The following SCN11A variants were observed in gnomAD, a reference collection of about 807,000 sequenced individuals.
SCN11A encodes sodium voltage-gated channel alpha subunit 11.
In SCN11A, 122 loss-of-function variants were observed where a neutral mutation model predicts 162.2. The ratio of observed to expected loss-of-function variants is 0.75; its 90% CI spans 0.65 to 0.87. SCN11A has a LOEUF of 0.87. SCN11A is among the 40% of genes least tolerant of loss of function. The pLI is 0.00. For synonymous variants in SCN11A, 758 were observed against 751.5 expected, an observed-to-expected ratio of 1.01 and a Z score of -0.14; for missense variants, 2,015 against 2,181.6, an observed-to-expected ratio of 0.92 and a Z score of 1.52.
In SCN11A at chr3:38,850,647, T is replaced by G. The variant is rs747748812; in HGVS notation, c.4161A>C (p.Ser1387=). Residue 1387 remains serine (S), a synonymous_variant, in exon 29 of 30, where the codon TCA becomes TCC. Coordinates refer to ENST00000302328, the MANE Select transcript of SCN11A (RefSeq NM_001349253.2). The part of the protein sequence containing the change: ...ILNMISMMAE[S]YNQPKAMKSI... ...ATTTCATGGCTTTGGGTTGGTTGTA[T>G]GATTCAGCCATCATGCTAATCATGT... 1 of 1,614,058 alleles carries G rather than the reference T, an allele frequency of 6.2e-7. No homozygotes were observed. Among genetic ancestry groups the G allele is most frequent in the Admixed American group, 1.7e-5 (1 of 60,022 alleles).
intron 2 of SCN11A, among the ~76,000 whole-genome samples, chr3:39,013,180 A>G (rs1214621648): frequency 6.6e-6 from 1 of 152,256 alleles, no homozygotes; most frequent in African/African-American, 2.4e-5. Flanking sequence ...AATGAAAAAA[A>G]GTCATCAATA....
intron 28 of SCN11A, among the ~76,000 whole-genome samples, chr3:38,861,019 A>G (rs1046670445): frequency 2.0e-5 from 3 of 152,202 alleles, no homozygotes; most frequent in African/African-American, 7.2e-5. Context: ...AAGCTCCTAG[A>G]TCTGATAAAT....
intron 1 of SCN11A, among the ~76,000 whole-genome samples, chr3:39,050,766 T>C (rs1422899856): frequency 3.3e-5 from 5 of 152,226 alleles, no homozygotes; most frequent in Non-Finnish European, 5.9e-5. Flanking sequence ...ATGAAATCAA[T>C]ACAAAAAATT....
At chr3:38,989,120 TC>T (rs1388039635) in intron 2 of SCN11A, among the ~76,000 whole-genome samples, 1 of 152,058 alleles carries the variant, frequency 6.6e-6, no homozygotes, top group African/African-American at 2.4e-5. Flanking sequence ...AAAGCCAGCC[TC>T]CATATAAGAA....
intron 28 of SCN11A, among the ~76,000 whole-genome samples, chr3:38,853,939 T>C (rs1452308833): frequency 2.0e-5 from 3 of 152,200 alleles, no homozygotes; most frequent in African/African-American, 7.2e-5. Context: ...CTGCCCTGGA[T>C]GCTACTTCTA....
At chr3:38,870,221 C>A (rs2065103175) in intron 26 of SCN11A, among the ~76,000 whole-genome samples, 1 of 152,188 alleles carries the variant, frequency 6.6e-6, no homozygotes, top group Non-Finnish European at 1.5e-5. Context: ...CTGGTCATCA[C>A]TAGAAACTCT....
intron 2 of SCN11A, among the ~76,000 whole-genome samples, chr3:38,983,180 C>A (rs1282173072): frequency 6.6e-6 from 1 of 152,150 alleles, no homozygotes; most frequent in Non-Finnish European, 1.5e-5. Flanking sequence ...GTTCCTGCTG[C>A]GTGTGGGTTT....
chr3:38,986,888 G>A (rs772560187), intron 2 of SCN11A, among the ~76,000 whole-genome samples: 7 of 152,166 alleles, frequency 4.6e-5, no homozygotes, highest in African/African-American at 7.2e-5. Flanking sequence ...AGAGCCACAT[G>A]TCATTTTCCA....
At chr3:38,879,040 T>G (rs2065266194) in intron 23 of SCN11A, among the ~76,000 whole-genome samples, 1 of 152,122 alleles carries the variant, frequency 6.6e-6, no homozygotes, top group Non-Finnish European at 1.5e-5. Flanking sequence ...AATATGTCCA[T>G]CTACTATGTA....
At chr3:38,973,310 G>C (rs1276683318) in intron 2 of SCN11A, among the ~76,000 whole-genome samples, 2 of 151,980 alleles carry the variant, frequency 1.3e-5, no homozygotes, top group African/African-American at 2.4e-5. Context: ...TATCTCAGGA[G>C]AAAAAGCTTT....
At chr3:38,914,482 C>A (rs1226840874) in intron 11 of SCN11A, among the ~76,000 whole-genome samples, 1 of 152,092 alleles carries the variant, frequency 6.6e-6, no homozygotes, top group Non-Finnish European at 1.5e-5. Context: ...CCCTTTATTT[C>A]TTTTTCTTCC....
chr3:39,021,326 G>A (rs1476659670), intron 2 of SCN11A, among the ~76,000 whole-genome samples: 1 of 152,156 alleles, frequency 6.6e-6, no homozygotes, highest in Non-Finnish European at 1.5e-5. Context: ...TTGCTTTATT[G>A]TTTACATTGA....
chr3:38,971,632 G>T (rs1025257988), intron 2 of SCN11A, among the ~76,000 whole-genome samples: 1 of 152,074 alleles, frequency 6.6e-6, no homozygotes, highest in East Asian at 1.9e-4. Flanking sequence ...TTCTTCCAGG[G>T]AGCTTTTCTC....
chr3:39,050,938 T>C (rs558947127), intron 1 of SCN11A, among the ~76,000 whole-genome samples: 5 of 152,292 alleles, frequency 3.3e-5, no homozygotes, highest in Admixed American at 6.5e-5. Flanking sequence ...TGTAGTTCTA[T>C]AGGATTCACT....
At chr3:38,903,183 C>A (rs548732303) in intron 16 of SCN11A, among the ~76,000 whole-genome samples, 1 of 152,088 alleles carries the variant, frequency 6.6e-6, no homozygotes, top group Admixed American at 6.5e-5. Flanking sequence ...GTAGATCATC[C>A]CGTGGGCAAT....
Position 38,960,931 on chromosome 3 carries a change from A to G in SCN11A, c.-279-508T>C, listed in dbSNP as rs763882275. ...CTTTTGGTCATCCAGACAACTCTGC[A>G]GCAGACTGTCACCAACCCAAAACTC... On this transcript the variant is annotated intron_variant, in intron 2 of 29. Coordinates refer to ENST00000302328, the MANE Select transcript of SCN11A (RefSeq NM_001349253.2). 7.6e-4 allele frequency among the ~76,000 whole-genome samples: 115 copies of G among 152,230 alleles called. 1 individual carries two copies. The highest frequency in any genetic ancestry group is 1.9e-4 in the Non-Finnish European group (13 of 68,044).
chr3:38,927,657 A>G (rs2066165125), intron 7 of SCN11A, among the ~76,000 whole-genome samples: 1 of 152,236 alleles, frequency 6.6e-6, no homozygotes, highest in African/African-American at 2.4e-5. Flanking sequence ...CCTCAGAAAA[A>G]TTACCATTAT....
intron 2 of SCN11A, among the ~76,000 whole-genome samples, chr3:38,982,818 A>G (rs1341081417): frequency 6.6e-6 from 1 of 152,176 alleles, no homozygotes; most frequent in Non-Finnish European, 1.5e-5. Context: ...GTCATGTAAC[A>G]TCTTCCAATA....
At chr3:39,040,373 GA>G (rs1174235524) in intron 1 of SCN11A, among the ~76,000 whole-genome samples, 2 of 152,136 alleles carry the variant, frequency 1.3e-5, no homozygotes, top group African/African-American at 4.8e-5. Context: ...ACAACTACAG[GA>G]AAAAAGTCTT....
Sources: gnomAD v4.1 joint callset for allele counts (sites outside exome capture counted in the v4.1 genomes callset) on GRCh38, gnomAD v4.1.1 for gene constraint, MANE v1.5 for transcripts, NCBI Gene and HGNC (gene_info 2026-07-23, HGNC 2026-07-21) for gene names.